The following FRMD4A variants were observed in gnomAD, a reference collection of about 807,000 sequenced individuals.
The protein encoded by FRMD4A is FERM domain containing 4A, also known as FERM domain-containing protein 4A.
A neutral mutation model predicts 129.1 loss-of-function variants in FRMD4A; 29 were observed. The observed-to-expected ratio is 0.22, with a 90% CI of 0.17 to 0.31. The LOEUF (loss-of-function observed/expected upper bound fraction) is 0.31, where lower values mean the gene tolerates loss of function less well. Among genes scored for constraint, FRMD4A ranks in the 10% least tolerant of loss-of-function variants. The probability of loss-of-function intolerance (pLI) is 1.00; values close to 1 mark genes in which losing one functional copy is unlikely to be tolerated. For missense variants in FRMD4A, 1,272 were observed against 1,375.8 expected (o/e 0.92, Z 1.19); for synonymous variants, 634 against 571.6 (o/e 1.11, Z -1.56).
chr10:14,189,649 C>T (rs969883740), intron 2 of FRMD4A, among the ~76,000 whole-genome samples: 2 of 152,126 alleles, frequency 1.3e-5, no homozygotes, highest in African/African-American at 4.8e-5. Context: ...ATTCTTTGTT[C>T]TTGTATAAAT....
chr10:14,155,242 C>T (rs984350715), intron 2 of FRMD4A, among the ~76,000 whole-genome samples: 2 of 152,220 alleles, frequency 1.3e-5, no homozygotes, highest in Non-Finnish European at 2.9e-5. Context: ...CTACAGTGAG[C>T]TATGATGGTG....
intron 9 of FRMD4A, among the ~76,000 whole-genome samples, chr10:13,744,235 G>T (rs914222977): frequency 2.0e-5 from 3 of 152,100 alleles, no homozygotes; most frequent in African/African-American, 7.2e-5. Flanking sequence ...GTGGTCAGGT[G>T]GTCCAGCATT....
intron 2 of FRMD4A, among the ~76,000 whole-genome samples, chr10:13,876,987 A>G (rs1299935328): frequency 1.3e-5 from 2 of 152,182 alleles, no homozygotes; most frequent in East Asian, 1.9e-4. Flanking sequence ...TGTCATTCAC[A>G]TACCTATGTG....
intron 2 of FRMD4A, among the ~76,000 whole-genome samples, chr10:13,989,598 A>G (rs551572842): frequency 1.3e-5 from 2 of 152,320 alleles, no homozygotes; most frequent in Admixed American, 1.3e-4. Flanking sequence ...AAGTGCTGGG[A>G]TTAGAGGCGT....
At chr10:14,080,458 A>G (rs76798207) in intron 2 of FRMD4A, among the ~76,000 whole-genome samples, 10,381 of 151,640 alleles carry the variant, frequency 0.068, 669 homozygotes, top group African/African-American at 0.17. Flanking sequence ...AGCACCTCAG[A>G]CTCTTTCTCA....
At chr10:14,175,725 A>G (rs146246907) in intron 2 of FRMD4A, among the ~76,000 whole-genome samples, 41 of 152,038 alleles carry the variant, frequency 2.7e-4, no homozygotes, top group African/African-American at 9.9e-4. Context: ...GGGTCTTGCT[A>G]TGTTTCCCAG....
At chr10:13,976,711 G>A (rs4237437) in intron 2 of FRMD4A, among the ~76,000 whole-genome samples, 53,121 of 152,014 alleles carry the variant, frequency 0.35, 9,702 homozygotes, top group East Asian at 0.6. Context: ...CAGCATACAC[G>A]TGGAGAAGTA....
intron 6 of FRMD4A, among the ~76,000 whole-genome samples, chr10:13,771,324 T>C (rs1284998625): frequency 6.6e-6 from 1 of 152,156 alleles, no homozygotes; most frequent in African/African-American, 2.4e-5. Context: ...CCAACTGCCT[T>C]GGCCTCCCAA....
intron 19 of FRMD4A, among the ~76,000 whole-genome samples, chr10:13,662,669 G>C (rs1304054259): frequency 6.6e-6 from 1 of 152,122 alleles, no homozygotes; most frequent in Non-Finnish European, 1.5e-5. Context: ...TAAGAGTTCA[G>C]TGGGAAATAA....
At chr10:13,680,280 G>T (rs750765017) in intron 15 of FRMD4A, among the ~76,000 whole-genome samples, 1 of 151,468 alleles carries the variant, frequency 6.6e-6, no homozygotes, top group Non-Finnish European at 1.5e-5. Context: ...AACATGGTGA[G>T]ACTCTGTCTC....
rs186726416 is a variant in FRMD4A at position 13,981,515 on chromosome 10, C to T, written c.46-122603G>A. 1.9e-3 allele frequency among the ~76,000 whole-genome samples: 294 copies of T among 151,616 alleles called. 7 individuals are homozygous for T. The highest frequency in any genetic ancestry group is 0.019 in the Admixed American group (289 of 15,250). ...CAGCACTTTGGGAGGCCGAGGCAGG[C>T]GGATCATGAGATCAGGAGTTCAAGA... On this transcript the variant is annotated intron_variant, in intron 2 of 24. Coordinates refer to ENST00000357447, the MANE Select transcript of FRMD4A (RefSeq NM_018027.5).
intron 2 of FRMD4A, among the ~76,000 whole-genome samples, chr10:14,116,451 T>C (rs1408468308): frequency 6.6e-6 from 1 of 152,212 alleles, no homozygotes; most frequent in Non-Finnish European, 1.5e-5. Flanking sequence ...TATTCTACCT[T>C]GGCTGAAAGC....
intron 3 of FRMD4A, among the ~76,000 whole-genome samples, chr10:13,814,663 CA>C (rs1054135725): frequency 8.9e-4 from 101 of 113,156 alleles, no homozygotes; most frequent in African/African-American, 3.3e-3. Context: ...GAGACAGAAA[CA>C]GAGAGCAAGA....
chr10:14,056,172 C>T (rs1457138014), intron 2 of FRMD4A, among the ~76,000 whole-genome samples: 1 of 152,164 alleles, frequency 6.6e-6, no homozygotes, highest in Non-Finnish European at 1.5e-5. Context: ...GCTGGGATTA[C>T]AGGCACGTGC....
At chr10:14,138,105 A>G (rs1168843846) in intron 2 of FRMD4A, among the ~76,000 whole-genome samples, 1 of 152,234 alleles carries the variant, frequency 6.6e-6, no homozygotes, top group Non-Finnish European at 1.5e-5. Flanking sequence ...GGAATGGAAA[A>G]TGGGTCATTG....
chr10:13,977,381 A>G (rs1370695298), intron 2 of FRMD4A, among the ~76,000 whole-genome samples: 2 of 152,232 alleles, frequency 1.3e-5, no homozygotes, highest in Non-Finnish European at 2.9e-5. Context: ...AATGCCGTTA[A>G]GCAATCTCCA....
intron 2 of FRMD4A, among the ~76,000 whole-genome samples, chr10:13,874,657 C>T (rs540915085): frequency 1.3e-5 from 2 of 152,214 alleles, no homozygotes; most frequent in Non-Finnish European, 2.9e-5. Context: ...AGACCACTAA[C>T]ACCTTCCAGG....
intron 2 of FRMD4A, among the ~76,000 whole-genome samples, chr10:14,005,045 C>G (rs2008422): frequency 6.7e-6 from 1 of 150,204 alleles, no homozygotes; most frequent in South Asian, 2.1e-4. Context: ...TTTTTTGAGA[C>G]CTGAGTCTTT....
chr10:13,794,521 G>A (rs2130819465), intron 5 of FRMD4A, among the ~76,000 whole-genome samples: 1 of 152,224 alleles, frequency 6.6e-6, no homozygotes, highest in African/African-American at 2.4e-5. Flanking sequence ...CAAGGGAGGA[G>A]AGAGAAGATA....
Sources: gnomAD v4.1 joint callset for allele counts (sites outside exome capture counted in the v4.1 genomes callset) on GRCh38, gnomAD v4.1.1 for gene constraint, MANE v1.5 for transcripts, NCBI Gene and HGNC (gene_info 2026-07-23, HGNC 2026-07-21) for gene names.